Variants in NCAPG observed in about 807,000 individuals in gnomAD.
NCAPG encodes non-SMC condensin I complex subunit G, also known as condensin complex subunit 3.
A neutral mutation model predicts 113.1 loss-of-function variants in NCAPG; 69 were observed. The observed-to-expected ratio is 0.61, with a 90% confidence interval of 0.50 to 0.75. The LOEUF is 0.75. NCAPG is among the 30% of genes least tolerant of loss of function. NCAPG has a pLI of 0.00. For missense variants in NCAPG, 1,058 were observed against 1,177.0 expected, an observed-to-expected ratio of 0.90 and a Z score of 1.48; for synonymous variants, 370 against 415.8, an observed-to-expected ratio of 0.89 and a Z score of 1.34.
At chr4:17,821,251 G>A (rs1721444258) in intron 7 of NCAPG, among the ~76,000 whole-genome samples, 1 of 152,038 alleles carries the variant, frequency 6.6e-6, no homozygotes, top group Admixed American at 6.6e-5. Flanking sequence ...TCTACTGATT[G>A]GTTGATTTTG....
At chr4:17,831,392 G>T (rs1452748358) in intron 13 of NCAPG, among the ~76,000 whole-genome samples, 1 of 152,156 alleles carries the variant, frequency 6.6e-6, no homozygotes, top group Non-Finnish European at 1.5e-5. Context: ...AGACTTAGAA[G>T]AAATAAAGTA....
At chr4:17,841,549 A>G (rs1366224481) in intron 19 of NCAPG, 1 of 151,972 alleles carries the variant, frequency 6.6e-6, no homozygotes, top group Non-Finnish European at 1.5e-5. Flanking sequence ...TGAATGAAGT[A>G]GAGTATATAA....
intron 13 of NCAPG, among the ~76,000 whole-genome samples, chr4:17,831,600 G>A (rs1721872565): frequency 6.6e-6 from 1 of 152,114 alleles, no homozygotes; most frequent in South Asian, 2.1e-4. Flanking sequence ...TGACATTTGA[G>A]CAAATACCAG....
In NCAPG at chr4:17,837,782, A is replaced by G; in HGVS notation, c.2447A>G (p.Lys816Arg). The G allele has an allele frequency of 1.9e-6, 3 of 1,613,880 alleles. No individual in the cohort carries two copies. The highest frequency in any genetic ancestry group is 2.5e-6 in the Non-Finnish European group (3 of 1,179,832). Residue 816 changes from lysine to arginine, a missense_variant, in exon 16 of 21, where the codon AAG becomes AGG. Transcript: ENST00000251496. ...CCAAGTGGATTAAATCCTCAGGCCAAGACTTCCCAAGATTATCAGGTGAGT... is the reference window on the plus strand; with the variant it reads ...CCAAGTGGATTAAATCCTCAGGCCAGGACTTCCCAAGATTATCAGGTGAGT... ...TRPSGLNPQAKTSQDYQALTV... is the reference protein window; with the variant it reads ...TRPSGLNPQARTSQDYQALTV...
Position 17,817,958 on chromosome 4 carries a change from A to G in NCAPG, c.988A>G (p.Thr330Ala), listed in dbSNP as rs1369970733. ...ATGAAGGAAATTGATTCCAGTGGAA[A>G]CATTAACTCCTGAAATTGCTTTGTA... Reference protein sequence around the residue: ...NDGRKLIPVETLTPEIALYWC... With the variant: ...NDGRKLIPVEALTPEIALYWC... The change falls in exon 7 of 21, where the codon ACA becomes GCA. Residue 330 changes from threonine to alanine, a missense_variant. Physicochemically the swap from Thr to Ala is moderately conservative, Grantham distance 58. Transcript: ENST00000251496. 1 of 1,598,808 alleles carries G rather than the reference A, an allele frequency of 6.3e-7. No individual in the cohort carries two copies. The highest frequency in any genetic ancestry group is 1.4e-5 in the African/African-American group (1 of 73,952).
At chr4:17,842,558 C>T (rs930566089) in intron 20 of NCAPG, 179 bp downstream of exon 20, 15 of 553,078 alleles carry the variant, frequency 2.7e-5, no homozygotes, top group African/African-American at 1.3e-4. Context: ...TGACTTCTTA[C>T]GGCGTGTTTG....
Position 17,825,397 on chromosome 4 carries a change from G to C in NCAPG, c.1489G>C (p.Val497Leu). The C allele has an allele frequency of 6.3e-7, 1 of 1,586,738 alleles. No individual in the cohort carries two copies. The highest frequency in any genetic ancestry group is 1.1e-5 in the South Asian group (1 of 87,066). ...CTTCCCTTAGATGGCTGAAATAAAAGTTAAGCTTATCGAAGCCAAAGAAGC... is the reference window on the plus strand; with the variant it reads ...CTTCCCTTAGATGGCTGAAATAAAACTTAAGCTTATCGAAGCCAAAGAAGC... The part of the protein sequence containing the change: ...KKELKMAEIK[V>L]KLIEAKEALE... The change falls in exon 11 of 21, where the codon GTT (valine) becomes CTT (leucine). Residue 497 changes from valine (V) to leucine (L), a missense_variant. Coordinates refer to ENST00000251496, the MANE Select transcript of NCAPG (RefSeq NM_022346.5).
At chr4:17,832,311 G>A (rs1033981808) in intron 13 of NCAPG, among the ~76,000 whole-genome samples, 3 of 152,156 alleles carry the variant, frequency 2.0e-5, no homozygotes, top group Non-Finnish European at 4.4e-5. Flanking sequence ...TGGTTTGGAC[G>A]AGGGTTGTGG....
rs1722698162 is a variant in NCAPG at position 17,844,149 on chromosome 4, A to T, written c.*724A>T. Reference sequence around the variant, plus strand: ...ACAAAATAATATTTATTTACTGTGGATAATAATTCTAGTGGGAATATAATG... The same window carrying T: ...ACAAAATAATATTTATTTACTGTGGTTAATAATTCTAGTGGGAATATAATG... On this transcript the variant is annotated 3_prime_UTR_variant, in exon 21 of 21. Coordinates refer to ENST00000251496, the MANE Select transcript of NCAPG (RefSeq NM_022346.5). 1 of 152,052 alleles carries T rather than the reference A, an allele frequency of 6.6e-6. No homozygotes were observed. The highest frequency in any genetic ancestry group is 2.4e-5 in the African/African-American group (1 of 41,444). 9.4% of individuals were successfully genotyped at this position (152,052 alleles called of 1,614,324 possible).
intron 20 of NCAPG, 74 bp downstream of exon 20, chr4:17,842,453 TTTC>T: frequency 8.2e-7 from 1 of 1,220,062 alleles, no homozygotes; most frequent in Non-Finnish European, 1.2e-6. Context: ...AAAAACTAAT[TTTC>T]TTGCGAATGA....
At chr4:17,830,172 G>A (rs1721803707) in intron 12 of NCAPG, among the ~76,000 whole-genome samples, 1 of 152,004 alleles carries the variant, frequency 6.6e-6, no homozygotes, top group African/African-American at 2.4e-5. Flanking sequence ...AGGCGGGATG[G>A]CTTGAGCTCA....
rs1171571256 is a variant in NCAPG, at chr4:17,837,699, T to A, written c.2364T>A (p.Ser788=). 1.2e-6 allele frequency: 2 copies of A among 1,613,936 alleles called. No individual in the cohort carries two copies. Among genetic ancestry groups the A allele is most frequent in the East Asian group, 4.5e-5 (2 of 44,888 alleles). Residue 788 remains serine, a synonymous_variant, in exon 16 of 21, where the codon TCT becomes TCA. Coordinates refer to ENST00000251496, the MANE Select transcript of NCAPG (RefSeq NM_022346.5). ...CACTGGCCAATGCCCCTGCATCTTC[T>A]CCTTTAGCTGAAATTGATATCACAA... The part of the protein sequence containing the change: ...LQTLANAPAS[S]PLAEIDITNV...
chr4:17,823,682 T>C lies in NCAPG; in HGVS notation c.1295T>C (p.Ile432Thr), dbSNP rs939869355. Residue 432 changes from isoleucine to threonine, a missense_variant, in exon 9 of 21, where the codon ATT becomes ACT. Ile to Thr is a moderately conservative substitution (Grantham distance 89). Transcript: ENST00000251496. ...KLLAVLQEILILPTIPISLVS... is the reference protein window; with the variant it reads ...KLLAVLQEILTLPTIPISLVS... ...CTGGCTGTTTTACAGGAGATTCTTA[T>C]TTTACCCACAATCCCAATATCCCTG... 1.2e-6 allele frequency: 2 copies of C among 1,611,102 alleles called. No homozygotes were observed. Among genetic ancestry groups the C allele is most frequent in the African/African-American group, 2.7e-5 (2 of 74,846 alleles).
intron 9 of NCAPG, 77 bp from the exon 10 acceptor site, chr4:17,824,891 T>A: frequency 3.1e-6 from 3 of 975,260 alleles, no homozygotes; most frequent in Non-Finnish European, 4.7e-6. Context: ...GGATACTACT[T>A]GGAGTTTTAT....
At chr4:17,843,210 A>T in intron 20 of NCAPG, 92 bp from the exon 21 acceptor site, 1 of 1,378,634 alleles carries the variant, frequency 7.3e-7, no homozygotes, top group Non-Finnish European at 9.9e-7. Flanking sequence ...AAACACTGAT[A>T]GAATGTGAGT....
At chr4:17,841,923 A>T (rs951542519) in intron 19 of NCAPG, 1 of 162,240 alleles carries the variant, frequency 6.2e-6, no homozygotes, top group Non-Finnish European at 1.3e-5. Context: ...TTATGCACCT[A>T]ACCTACCTTT....
chr4:17,828,710 A>G (rs1416591524), intron 12 of NCAPG, among the ~76,000 whole-genome samples: 1 of 152,128 alleles, frequency 6.6e-6, no homozygotes, highest in Non-Finnish European at 1.5e-5. Flanking sequence ...AAGTACTGGA[A>G]TTGTGCTACG....
intron 10 of NCAPG, 72 bp downstream of exon 10, chr4:17,825,129 G>C: frequency 8.9e-7 from 1 of 1,119,660 alleles, no homozygotes; most frequent in Non-Finnish European, 1.3e-6. Flanking sequence ...TCCTCTTGCT[G>C]TGCAGTTCTG....
intron 7 of NCAPG, among the ~76,000 whole-genome samples, chr4:17,819,125 A>T (rs1458092875): frequency 6.6e-6 from 1 of 152,024 alleles, no homozygotes; most frequent in Non-Finnish European, 1.5e-5. Context: ...ATCATTATAT[A>T]TTGGTGCATA....
Sources: gnomAD v4.1 joint callset for allele counts (sites outside exome capture counted in the v4.1 genomes callset) on GRCh38, gnomAD v4.1.1 for gene constraint, MANE v1.5 for transcripts, NCBI Gene and HGNC (gene_info 2026-07-23, HGNC 2026-07-21) for gene names.